The following SEMA6A variants were observed in gnomAD, a reference collection of about 807,000 sequenced individuals.
SEMA6A encodes the protein semaphorin 6A.
In SEMA6A, 25 loss-of-function variants were observed where a neutral mutation model predicts 96.8. The ratio of observed to expected loss-of-function variants is 0.26; its 90% confidence interval spans 0.19 to 0.36. The LOEUF (loss-of-function observed/expected upper bound fraction) is 0.36, where lower values mean the gene tolerates loss of function less well. Among genes scored for constraint, SEMA6A ranks in the 10% least tolerant of loss-of-function variants. The pLI, the probability that SEMA6A is intolerant of heterozygous loss-of-function variation, is 1.00. For missense variants in SEMA6A, 1,363 were observed against 1,323.1 expected, an observed-to-expected ratio of 1.03 and a Z score of -0.47; for synonymous variants, 612 against 518.0, an observed-to-expected ratio of 1.18 and a Z score of -2.46.
intron 1 of SEMA6A, among the ~76,000 whole-genome samples, chr5:116,521,055 G>A (rs1758925438): frequency 6.6e-6 from 1 of 152,162 alleles, no homozygotes; most frequent in Non-Finnish European, 1.5e-5. Flanking sequence ...AGATTGTATA[G>A]GATATAGATC....
At chr5:116,478,844 A>G in intron 12 of SEMA6A, 126 bp from the exon 13 acceptor site, 8 of 904,182 alleles carry the variant, frequency 8.8e-6, no homozygotes, top group Non-Finnish European at 1.3e-5. Flanking sequence ...ATGCATATAA[A>G]TAATGTTCTC....
intron 3 of SEMA6A, chr5:116,498,822 C>CTT (rs1401092210): frequency 6.6e-6 from 1 of 152,242 alleles, no homozygotes; most frequent in Non-Finnish European, 1.5e-5. Context: ...TGACTCGAGG[C>CTT]TTTTCCTTGC....
chr5:116,531,155 T>C (rs1318201258), intron 1 of SEMA6A, among the ~76,000 whole-genome samples: 1 of 148,716 alleles, frequency 6.7e-6, no homozygotes, highest in Non-Finnish European at 1.5e-5. Flanking sequence ...AATTAATCTA[T>C]GTGCAGGGCA....
chr5:116,529,079 C>T (rs562745897), intron 1 of SEMA6A, among the ~76,000 whole-genome samples: 3 of 152,232 alleles, frequency 2.0e-5, no homozygotes, highest in Non-Finnish European at 4.4e-5. Flanking sequence ...TAACCTCATG[C>T]ATGAAAACAA....
intron 1 of SEMA6A, among the ~76,000 whole-genome samples, chr5:116,515,440 CCTAA>C (rs371472919): frequency 6.6e-6 from 1 of 152,020 alleles, no homozygotes; most frequent in African/African-American, 2.4e-5. Flanking sequence ...CGTTGCTCTC[CCTAA>C]CTTTTTCTTT....
In SEMA6A at chr5:116,504,889, C is replaced by A. The variant is rs1758069916; in HGVS notation, c.56G>T (p.Gly19Val). ...YFTLLHFAGA[G>V]FPEDSEPISI... is the part of the protein sequence containing the mutation. The stretch of plus-strand genomic sequence containing the variant: ...GATTGGCTCAGAATCTTCTGGGAAA[C>A]CAGCCCCAGCAAAGTGTAGCAGTGT... Residue 19 changes from glycine to valine, a missense_variant, in exon 2 of 19, where the codon GGT becomes GTT. Physicochemically the swap from Gly to Val is moderately radical, Grantham distance 109. This residue lies in a region of SEMA6A where 480 missense variants were observed against 559.5 expected (regional missense o/e 0.86). Transcript: ENST00000343348. 6.2e-7 allele frequency: 1 copy of A among 1,604,558 alleles called. No individual in the cohort carries two copies. The highest frequency in any genetic ancestry group is 2.2e-5 in the East Asian group (1 of 44,572).
chr5:116,489,560 G>A (rs1231482483), intron 7 of SEMA6A, among the ~76,000 whole-genome samples: 1 of 152,222 alleles, frequency 6.6e-6, no homozygotes, highest in African/African-American at 2.4e-5. Flanking sequence ...CTTGACCTCA[G>A]GCTTGACAGT....
chr5:116,572,779 G>A (rs1419476449), intron 1 of SEMA6A, among the ~76,000 whole-genome samples: 1 of 152,088 alleles, frequency 6.6e-6, no homozygotes, highest in Non-Finnish European at 1.5e-5. Context: ...GCTGCATCCC[G>A]AGCTGTCCGC....
chr5:116,479,457 T>G (rs1179800185), intron 12 of SEMA6A, among the ~76,000 whole-genome samples: 1 of 152,242 alleles, frequency 6.6e-6, no homozygotes, highest in African/African-American at 2.4e-5. Context: ...TACAGTGCTT[T>G]AATATGTTTT....
At chr5:116,542,990 T>C (rs1430979389) in intron 1 of SEMA6A, among the ~76,000 whole-genome samples, 1 of 152,194 alleles carries the variant, frequency 6.6e-6, no homozygotes, top group Non-Finnish European at 1.5e-5. Flanking sequence ...ATTCTGTAAG[T>C]ACATATATTT....
At chr5:116,478,202 T>A (rs760801052) in intron 13 of SEMA6A, 48 bp from the exon 14 acceptor site, 18 of 1,590,462 alleles carry the variant, frequency 1.1e-5, no homozygotes, top group Non-Finnish European at 1.1e-5. Flanking sequence ...CTTCTCTTTT[T>A]CTCGGCCCCA....
intron 9 of SEMA6A, 96 bp from the exon 10 acceptor site, chr5:116,487,062 C>A (rs564180604): frequency 1.3e-5 from 10 of 790,180 alleles, no homozygotes; most frequent in Admixed American, 2.3e-5. Context: ...AACAAAACAA[C>A]AAGGTGCTTA....
At chr5:116,553,692 G>A (rs1205516656) in intron 1 of SEMA6A, among the ~76,000 whole-genome samples, 1 of 152,148 alleles carries the variant, frequency 6.6e-6, no homozygotes, top group Non-Finnish European at 1.5e-5. Flanking sequence ...AGTCAGAGCA[G>A]CCTTTCATTC....
rs1044815099 is a variant in SEMA6A at position 116,533,157 on chromosome 5, A to G, written c.-38-28175T>C. ...AAGCTTTGAGTTAATTGCTAAGTCA[A>G]CATTTCAAAATGCTCTGTACAACTA... On this transcript the variant is annotated intron_variant, in intron 1 of 18. Coordinates refer to ENST00000343348, the MANE Select transcript of SEMA6A (RefSeq NM_020796.5). Among the ~76,000 whole-genome samples, 4 of 152,212 alleles carry G rather than the reference A, an allele frequency of 2.6e-5. No homozygotes were observed. In the South Asian group the frequency reaches 8.3e-4, roughly 32 times the overall value.
At position 116,446,283 on chromosome 5, in the gene SEMA6A, T is replaced by TGG. The variant is rs1754199795; in HGVS notation, c.*329_*330insCC. ...GTGTGCATGTGTGTGTGTGTGTGTG[T>TGG]GTGGGGGTGGGGGATGGGGTAGGTA... On this transcript the variant is annotated 3_prime_UTR_variant, in exon 19 of 19. Transcript: ENST00000343348. 2 of 95,256 alleles carry TGG rather than the reference T, an allele frequency of 2.1e-5. No homozygotes were observed. Among genetic ancestry groups the TGG allele is most frequent in the African/African-American group, 1.8e-4 (2 of 11,216 alleles). 5.9% of individuals were successfully genotyped at this position (95,256 alleles called of 1,614,324 possible).
chr5:116,559,941 A>C (rs757632899), intron 1 of SEMA6A, among the ~76,000 whole-genome samples: 7 of 152,230 alleles, frequency 4.6e-5, no homozygotes, highest in Non-Finnish European at 1.0e-4. Context: ...AGCTTCAGCC[A>C]CCTGCAGCAC....
intron 1 of SEMA6A, among the ~76,000 whole-genome samples, chr5:116,529,116 C>A (rs1759353945): frequency 6.6e-6 from 1 of 152,088 alleles, no homozygotes; most frequent in Non-Finnish European, 1.5e-5. Flanking sequence ...AAGAATCTGG[C>A]CAGTGTGAAT....
At chr5:116,484,607 A>G (rs1190275116) in intron 10 of SEMA6A, among the ~76,000 whole-genome samples, 1 of 151,930 alleles carries the variant, frequency 6.6e-6, no homozygotes, top group Non-Finnish European at 1.5e-5. Context: ...TGGGTGACAG[A>G]GCGAGACTCC....
intron 1 of SEMA6A, among the ~76,000 whole-genome samples, chr5:116,547,981 G>A (rs1388954915): frequency 1.3e-5 from 2 of 152,100 alleles, no homozygotes; most frequent in Non-Finnish European, 1.5e-5. Context: ...TGGGGACTCT[G>A]ACCTTCATGG....
Sources: allele counts gnomAD v4.1 joint callset (sites outside exome capture counted in the v4.1 genomes callset), GRCh38; gene constraint gnomAD v4.1.1; regional missense constraint gnomAD v4.1.1; transcripts MANE v1.5; gene names NCBI Gene and HGNC (gene_info 2026-07-23, HGNC 2026-07-21).